The following CADPS2 variants were observed in gnomAD, a reference collection of about 807,000 sequenced individuals.
The protein encoded by CADPS2 is calcium dependent secretion activator 2, also known as calcium-dependent secretion activator 2.
A neutral mutation model predicts 172.5 loss-of-function variants in CADPS2; 93 were observed. The ratio of observed to expected loss-of-function variants is 0.54; its 90% confidence interval spans 0.46 to 0.64. The LOEUF (loss-of-function observed/expected upper bound fraction) is 0.64. Among genes scored for constraint, CADPS2 ranks in the 30% least tolerant of loss-of-function variants. The pLI is 0.00. For missense variants in CADPS2, 1,420 were observed against 1,565.9 expected (o/e 0.91, Z 1.57); for synonymous variants, 546 against 555.2 (o/e 0.98, Z 0.23).
In CADPS2 at chr7:122,370,653, C is replaced by T. The variant is rs1006724202; in HGVS notation, c.3387+8715G>A. On this transcript the variant is annotated intron_variant, in intron 25 of 29. Coordinates refer to ENST00000449022, the MANE Select transcript of CADPS2 (RefSeq NM_017954.11). ...CAGAGGGCATTGGGTAAGGAGAGGGCTAAATTTGCTTAGGAAGATGTAAGA... is the reference window on the plus strand; with the variant it reads ...CAGAGGGCATTGGGTAAGGAGAGGGTTAAATTTGCTTAGGAAGATGTAAGA... Among the ~76,000 whole-genome samples the T allele has an allele frequency of 2.6e-5, 4 of 152,048 alleles. No homozygotes were observed. In the East Asian group the frequency reaches 5.8e-4, roughly 22 times the overall value.
chr7:122,548,503 C>T (rs2063857862), intron 8 of CADPS2, among the ~76,000 whole-genome samples: 4 of 152,098 alleles, frequency 2.6e-5, no homozygotes. Flanking sequence ...AACAATGTAT[C>T]ATAAAACTTG....
chr7:122,579,451 AT>A (rs1349724577), intron 7 of CADPS2, among the ~76,000 whole-genome samples: 2 of 15,706 alleles, frequency 1.3e-4, no homozygotes, highest in Non-Finnish European at 2.4e-4. Flanking sequence ...ATTGCATCGA[AT>A]ATATATATAT....
rs11451995 is a variant in CADPS2 at position 122,603,460 on chromosome 7, G to GAAA, written c.1223+11718_1223+11720dup. Among the ~76,000 whole-genome samples the GAAA allele has an allele frequency of 2.4e-3, 349 of 148,004 alleles. 1 individual carries two copies. In the South Asian group the frequency reaches 0.024, roughly 10 times the overall value. ...AAGTAGAGAAATGAATACATGAGCA[G>GAAA]AAAAAAAAAACACTCAAAGCAAAGG... On this transcript the variant is annotated intron_variant, in intron 6 of 29. Coordinates refer to ENST00000449022, the MANE Select transcript of CADPS2 (RefSeq NM_017954.11).
intron 1 of CADPS2, among the ~76,000 whole-genome samples, chr7:122,868,275 C>T (rs1269711142): frequency 6.6e-6 from 1 of 152,096 alleles, no homozygotes; most frequent in Admixed American, 6.6e-5. Context: ...AAACCTTCAG[C>T]AACTATCTCC....
At chr7:122,517,840 C>T (rs774275623) in intron 8 of CADPS2, among the ~76,000 whole-genome samples, 1 of 151,676 alleles carries the variant, frequency 6.6e-6, no homozygotes, top group African/African-American at 2.4e-5. Context: ...GAAAATGGAG[C>T]GAAAATCTTT....
At chr7:122,632,169 G>A (rs2430020) in intron 3 of CADPS2, among the ~76,000 whole-genome samples, 78,218 of 151,920 alleles carry the variant, frequency 0.51, 20,405 homozygotes, top group East Asian at 0.72. Flanking sequence ...TGACCATATG[G>A]GTGCAAGTGT....
chr7:122,702,076 T>C (rs748454175), intron 2 of CADPS2: 3 of 1,613,672 alleles, frequency 1.9e-6, no homozygotes, highest in Non-Finnish European at 1.7e-6. Flanking sequence ...TTATTTGACT[T>C]CGCCTCCTGG....
Position 122,681,326 on chromosome 7 carries a change from A to C in CADPS2, c.454-17757T>G. ...TCCGTGCCTCCAAGATGACAAAGAAAAGAAGGAACAATGGTCGTGCCAAAA... is the reference window on the plus strand; with the variant it reads ...TCCGTGCCTCCAAGATGACAAAGAACAGAAGGAACAATGGTCGTGCCAAAA... On this transcript the variant is annotated intron_variant, in intron 2 of 29. Coordinates refer to ENST00000449022, the MANE Select transcript of CADPS2 (RefSeq NM_017954.11). The C allele has an allele frequency of 5.9e-6, 8 of 1,347,310 alleles. No homozygotes were observed. The South Asian group carries it at 9.3e-5, about 16-fold the overall frequency. The allele number at this position is 1,347,310 out of a possible 1,614,324, so 83.5% of individuals were successfully genotyped here. A position where few individuals can be genotyped will look rare whatever the true frequency, so the allele number is the denominator to read the frequency against.
At chr7:122,405,080 TCAAAA>T (rs563936472) in intron 20 of CADPS2, among the ~76,000 whole-genome samples, 4 of 150,812 alleles carry the variant, frequency 2.7e-5, no homozygotes, top group African/African-American at 4.9e-5. Flanking sequence ...AGACTGCATC[TCAAAA>T]CAAAACAAAA....
chr7:122,781,100 T>A (rs1326389711), intron 1 of CADPS2, among the ~76,000 whole-genome samples: 1 of 152,238 alleles, frequency 6.6e-6, no homozygotes, highest in Non-Finnish European at 1.5e-5. Flanking sequence ...CACTCATGAC[T>A]AAAATACTAT....
intron 7 of CADPS2, 75 bp downstream of exon 7, chr7:122,581,104 C>G: frequency 9.8e-7 from 1 of 1,022,084 alleles, no homozygotes; most frequent in South Asian, 1.4e-5. Context: ...ATATGGCATA[C>G]TGATCTACCT....
At chr7:122,514,848 G>A (rs531776939) in intron 8 of CADPS2, among the ~76,000 whole-genome samples, 1 of 152,142 alleles carries the variant, frequency 6.6e-6, no homozygotes, top group African/African-American at 2.4e-5. Context: ...GTATCACATT[G>A]TGTAATATTA....
chr7:122,731,189 G>GT (rs2091607217), intron 2 of CADPS2, among the ~76,000 whole-genome samples: 1 of 151,400 alleles, frequency 6.6e-6, no homozygotes, highest in African/African-American at 2.4e-5. Context: ...AATGAAAACA[G>GT]TAAGAAAACT....
At chr7:122,779,448 G>A (rs1792095891) in intron 1 of CADPS2, among the ~76,000 whole-genome samples, 3 of 152,126 alleles carry the variant, frequency 2.0e-5, no homozygotes, top group Admixed American at 1.3e-4. Flanking sequence ...TCAAGCCTCT[G>A]CTCATATCAT....
At chr7:122,783,297 A>G (rs547921490) in intron 1 of CADPS2, among the ~76,000 whole-genome samples, 84 of 151,580 alleles carry the variant, frequency 5.5e-4, no homozygotes, top group African/African-American at 1.9e-3. Context: ...ATCTGTTTGT[A>G]TTTAATATAA....
At chr7:122,673,559 G>A (rs1359402198) in intron 2 of CADPS2, among the ~76,000 whole-genome samples, 6 of 151,866 alleles carry the variant, frequency 4.0e-5, no homozygotes, top group Admixed American at 6.6e-5. Flanking sequence ...GCTGATGGGT[G>A]CATTTACAAT....
At chr7:122,622,842 A>G (rs1253138694) in intron 4 of CADPS2, among the ~76,000 whole-genome samples, 1 of 152,136 alleles carries the variant, frequency 6.6e-6, no homozygotes, top group Non-Finnish European at 1.5e-5. Context: ...AGAAATCTGC[A>G]TGTGTAGTAC....
At chr7:122,777,758 C>A (rs1230395953) in intron 1 of CADPS2, among the ~76,000 whole-genome samples, 5 of 152,164 alleles carry the variant, frequency 3.3e-5, no homozygotes, top group African/African-American at 1.2e-4. Flanking sequence ...TCCCCTTCCG[C>A]CCTGCTTGTA....
At chr7:122,751,431 C>G (rs1040147973) in intron 1 of CADPS2, among the ~76,000 whole-genome samples, 1 of 152,090 alleles carries the variant, frequency 6.6e-6, no homozygotes, top group African/African-American at 2.4e-5. Flanking sequence ...AGCATAGTTT[C>G]GTGGAAACTG....
Sources: allele counts gnomAD v4.1 joint callset (sites outside exome capture counted in the v4.1 genomes callset), GRCh38; gene constraint gnomAD v4.1.1; transcripts MANE v1.5; gene names NCBI Gene and HGNC (gene_info 2026-07-23, HGNC 2026-07-21).